The following FLACC1 variants were observed in gnomAD, a reference collection of about 807,000 sequenced individuals.
FLACC1 encodes the protein flagellum-associated coiled-coil domain-containing protein 1.
A neutral mutation model predicts 62.8 loss-of-function variants in FLACC1; 66 were observed. The observed-to-expected ratio is 1.05, with a 90% confidence interval of 0.86 to 1.29. The LOEUF is 1.29. FLACC1 is among the 50% of genes most tolerant of loss of function. FLACC1 has a pLI of 0.00. For synonymous variants in FLACC1, 156 were observed against 161.0 expected (o/e 0.97, Z 0.24); for missense variants, 452 against 489.1 (o/e 0.92, Z 0.71).
intron 9 of FLACC1, among the ~76,000 whole-genome samples, chr2:201,310,918 G>A (rs540561213): frequency 1.2e-4 from 19 of 152,134 alleles, no homozygotes; most frequent in Admixed American, 2.6e-4. Flanking sequence ...AGAAAAAAAC[G>A]ACGATCCAAA....
chr2:201,309,591 T>C (rs1024025055), intron 9 of FLACC1, among the ~76,000 whole-genome samples: 1 of 151,960 alleles, frequency 6.6e-6, no homozygotes, highest in Non-Finnish European at 1.5e-5. Context: ...TCCCCCTAAA[T>C]CACAAATCCC....
At chr2:201,334,040 C>G (rs148206419) in intron 7 of FLACC1, among the ~76,000 whole-genome samples, 19 of 152,230 alleles carry the variant, frequency 1.2e-4, no homozygotes, top group African/African-American at 3.6e-4. Flanking sequence ...CAGTGTAAAA[C>G]TCTTCCTATT....
At chr2:201,355,840 C>T (rs1951107741) in intron 1 of FLACC1, among the ~76,000 whole-genome samples, 1 of 152,132 alleles carries the variant, frequency 6.6e-6, no homozygotes. Flanking sequence ...GCCTGGGTGA[C>T]AGCACAAGAC....
chr2:201,344,684 C>T (rs1483200847), intron 5 of FLACC1, among the ~76,000 whole-genome samples: 1 of 152,082 alleles, frequency 6.6e-6, no homozygotes, highest in Non-Finnish European at 1.5e-5. Context: ...AAGGATTGGG[C>T]CAGAGATGGG....
chr2:201,302,433 AGTCCTT>A (rs1950005292), intron 11 of FLACC1, among the ~76,000 whole-genome samples: 1 of 152,222 alleles, frequency 6.6e-6, no homozygotes, highest in African/African-American at 2.4e-5. Flanking sequence ...TCATAAAGTA[AGTCCTT>A]AGAGACCTAC....
intron 6 of FLACC1, 119 bp from the exon 7 acceptor site, chr2:201,342,550 A>AG: frequency 1.1e-6 from 1 of 928,820 alleles, no homozygotes; most frequent in South Asian, 1.4e-5. Context: ...CATGGGGCAC[A>AG]GCCCCCTTCC....
intron 3 of FLACC1, among the ~76,000 whole-genome samples, chr2:201,349,859 AC>A (rs1238014659): frequency 6.6e-6 from 1 of 152,170 alleles, no homozygotes. Context: ...TACTGGGGGC[AC>A]CCCTGTGGAG....
intron 7 of FLACC1, among the ~76,000 whole-genome samples, chr2:201,337,331 G>A (rs1420891621): frequency 6.6e-6 from 1 of 152,064 alleles, no homozygotes; most frequent in Non-Finnish European, 1.5e-5. Context: ...AGAGATAGGG[G>A]TCTAGTTTCA....
chr2:201,325,414 A>G (rs1950484287), intron 9 of FLACC1, among the ~76,000 whole-genome samples: 1 of 152,188 alleles, frequency 6.6e-6, no homozygotes, highest in Non-Finnish European at 1.5e-5. Flanking sequence ...TAGCCAAGAA[A>G]AGAAGAAAAG....
At chr2:201,361,066 A>G (rs1368603651), upstream of FLACC1, among the ~76,000 whole-genome samples, 1 of 152,192 alleles carries the variant, frequency 6.6e-6, no homozygotes, top group Admixed American at 6.5e-5. Flanking sequence ...TGATAGAGCA[A>G]GACTCCATCT....
At chr2:201,349,829 G>T (rs145506992) in intron 3 of FLACC1, among the ~76,000 whole-genome samples, 4 of 152,300 alleles carry the variant, frequency 2.6e-5, no homozygotes, top group Non-Finnish European at 5.9e-5. Context: ...CAAGCTTTGG[G>T]CTCCAGGGCA....
intron 9 of FLACC1, among the ~76,000 whole-genome samples, chr2:201,329,590 C>A (rs1950554267): frequency 6.6e-6 from 1 of 152,174 alleles, no homozygotes; most frequent in African/African-American, 2.4e-5. Flanking sequence ...GGTACATATA[C>A]CATGGAATAC....
chr2:201,307,723 G>T, intron 10 of FLACC1, 101 bp from the exon 11 acceptor site: 1 of 898,204 alleles, frequency 1.1e-6, no homozygotes, highest in Non-Finnish European at 1.8e-6. Context: ...TCCAGACTGT[G>T]TCAGACTCAA....
chr2:201,346,451 G>C lies in FLACC1; in HGVS notation c.368+91C>G. On this transcript the variant is annotated intron_variant, in intron 5 of 14. Transcript: ENST00000392257. The surrounding 1 kb of genome is among the most constrained non-coding windows in gnomAD (Gnocchi z 4.0). Reference sequence around the variant, plus strand: ...CAGAGCAGGGACCAGTGGCCTGGGTGTGGGCATAGCGGCTTTGGCTTGTCC... The same window carrying C: ...CAGAGCAGGGACCAGTGGCCTGGGTCTGGGCATAGCGGCTTTGGCTTGTCC... The C allele has an allele frequency of 6.4e-7, 1 of 1,565,532 alleles. No homozygotes were observed. The highest frequency in any genetic ancestry group is 2.2e-5 in the East Asian group (1 of 44,592).
chr2:201,348,434 T>G, intron 3 of FLACC1, 132 bp from the exon 4 acceptor site: 1 of 862,356 alleles, frequency 1.2e-6, no homozygotes, highest in Non-Finnish European at 1.7e-6. Flanking sequence ...ATCCCTAGGA[T>G]AGTTGGGGAA....
Position 201,348,258 on chromosome 2 carries a change from A to C in FLACC1, c.230T>G (p.Phe77Cys), listed in dbSNP as rs1407769674. 1.2e-6 allele frequency: 2 copies of C among 1,612,934 alleles called. No individual in the cohort carries two copies. The highest frequency in any genetic ancestry group is 2.7e-5 in the African/African-American group (2 of 74,860). Residue 77 changes from phenylalanine (F) to cysteine (C), a missense_variant, in exon 4 of 15, where the codon TTT (phenylalanine) becomes TGT (cysteine). Around this residue, in one of 3 missense-constraint regions of FLACC1, gnomAD observed 147 missense variants for 152.7 expected, o/e 0.96. Transcript: ENST00000392257. The part of the protein sequence containing the change: ...SARQEETNKS[F>C]YEVINVSPGY... ...CCCTCTCCTGCCTTTACTCACATAA[A>C]ATGATTTATTAGTCTCTTCTTGCCT...
In FLACC1 at chr2:201,344,153, A is replaced by G; in HGVS notation, c.462+17T>C. 6.3e-7 allele frequency: 1 copy of G among 1,576,852 alleles called. No homozygotes were observed. Among genetic ancestry groups the G allele is most frequent in the Non-Finnish European group, 8.7e-7 (1 of 1,149,214 alleles). ...TATTTTGTCCATGAAGATGTTAGCT[A>G]ATGTAAGGTCACTCACCAATTTCTG... On this transcript the variant is annotated intron_variant, in intron 6 of 14. Transcript: ENST00000392257.
At chr2:201,324,064 A>G (rs1395097002) in intron 9 of FLACC1, among the ~76,000 whole-genome samples, 1 of 152,188 alleles carries the variant, frequency 6.6e-6, no homozygotes, top group Non-Finnish European at 1.5e-5. Flanking sequence ...ACAGAATGAC[A>G]GAATGGATAA....
At chr2:201,303,395 G>C (rs900221969) in intron 11 of FLACC1, among the ~76,000 whole-genome samples, 9 of 152,014 alleles carry the variant, frequency 5.9e-5, no homozygotes, top group Non-Finnish European at 8.8e-5. Flanking sequence ...AGTTGAATCC[G>C]TGAATAGACC....
Sources: gnomAD v4.1 joint callset for allele counts (sites outside exome capture counted in the v4.1 genomes callset) on GRCh38, gnomAD v4.1.1 for gene constraint, gnomAD v4.1.1 regional missense constraint, Gnocchi (gnomAD v3.1) non-coding constraint, MANE v1.5 for transcripts, NCBI Gene and HGNC (gene_info 2026-07-23, HGNC 2026-07-21) for gene names.